The following SPATA6 variants were observed in gnomAD, a reference collection of about 807,000 sequenced individuals.
SPATA6 encodes spermatogenesis associated 6.
SPATA6 carries 56 observed loss-of-function variants against 65.3 expected under a neutral mutation model. The observed-to-expected ratio is 0.86, with a 90% CI of 0.69 to 1.07. The LOEUF is 1.07. Ranked by LOEUF, SPATA6 falls within the 50% of genes least tolerant of loss-of-function variation. The probability of loss-of-function intolerance (pLI) is 0.00; values close to 1 mark genes in which losing one functional copy is unlikely to be tolerated. For synonymous variants in SPATA6, 199 were observed against 213.2 expected (o/e 0.93, Z 0.58); for missense variants, 590 against 594.8 (o/e 0.99, Z 0.08).
At chr1:48,409,934 G>C (rs1652057910) in intron 5 of SPATA6, among the ~76,000 whole-genome samples, 1 of 152,230 alleles carries the variant, frequency 6.6e-6, no homozygotes, top group Non-Finnish European at 1.5e-5. Context: ...AAAGGTCTCT[G>C]ACATGCCCTG....
At chr1:48,357,720 G>A (rs1646697871) in intron 10 of SPATA6, among the ~76,000 whole-genome samples, 1 of 152,082 alleles carries the variant, frequency 6.6e-6, no homozygotes, top group African/African-American at 2.4e-5. Flanking sequence ...TTAAAGATGA[G>A]GTACTGAGTG....
chr1:48,316,807 A>C (rs1645439212), intron 11 of SPATA6, among the ~76,000 whole-genome samples: 1 of 152,240 alleles, frequency 6.6e-6, no homozygotes, highest in African/African-American at 2.4e-5. Context: ...AATATCTAGA[A>C]TCTGCAATGA....
At chr1:48,408,312 G>A (rs2147967721) in intron 5 of SPATA6, among the ~76,000 whole-genome samples, 1 of 152,244 alleles carries the variant, frequency 6.6e-6, no homozygotes, top group Admixed American at 6.5e-5. Flanking sequence ...AATGGCATGG[G>A]CTTCTCTCAG....
the SPATA6 span, among the ~76,000 whole-genome samples, chr1:48,264,680 C>A: frequency 2.0e-5 from 3 of 152,112 alleles, no homozygotes; most frequent in Non-Finnish European, 2.9e-5. Context: ...CATCCATGTC[C>A]CTGCAAAGGA....
At chr1:48,390,289 G>C (rs1649915465) in intron 8 of SPATA6, among the ~76,000 whole-genome samples, 1 of 152,090 alleles carries the variant, frequency 6.6e-6, no homozygotes, top group South Asian at 2.1e-4. Context: ...GAACTGGGGG[G>C]TCATTATTTT....
At chr1:48,335,276 A>C (rs1032142977) in intron 11 of SPATA6, among the ~76,000 whole-genome samples, 3 of 152,068 alleles carry the variant, frequency 2.0e-5, no homozygotes. Flanking sequence ...TAATTAGAAA[A>C]AACTATTCTA....
intron 3 of SPATA6, among the ~76,000 whole-genome samples, chr1:48,434,694 G>T (rs188310831): frequency 1.3e-5 from 2 of 151,880 alleles, no homozygotes; most frequent in African/African-American, 4.8e-5. Context: ...GTGCACTTAC[G>T]GGGGTGTGTG....
chr1:48,436,518 T>A, intron 3 of SPATA6: 1 of 1,611,632 alleles, frequency 6.2e-7, no homozygotes, highest in Non-Finnish European at 8.5e-7. Context: ...TTCACAGGAG[T>A]ATTAAAGCCA....
chr1:48,280,236 A>G, the SPATA6 span, among the ~76,000 whole-genome samples: 1 of 152,240 alleles, frequency 6.6e-6, no homozygotes, highest in Non-Finnish European at 1.5e-5. Context: ...AGCAGGAAAG[A>G]TGCAAAATTG....
At chr1:48,453,220 A>C in intron 1 of SPATA6, 89 bp from the exon 2 acceptor site, 1 of 1,351,124 alleles carries the variant, frequency 7.4e-7, no homozygotes, top group South Asian at 1.6e-5. Context: ...TTACATAAAA[A>C]CATTAGTCTG....
intron 11 of SPATA6, among the ~76,000 whole-genome samples, chr1:48,347,467 TATA>T (rs1557593743): frequency 1.5e-4 from 22 of 147,204 alleles, no homozygotes; most frequent in Non-Finnish European, 4.5e-5. Context: ...GTATATATAA[TATA>T]ATATATATAT....
At chr1:48,438,614 CA>C (rs1432817935) in intron 3 of SPATA6, among the ~76,000 whole-genome samples, 2 of 152,282 alleles carry the variant, frequency 1.3e-5, no homozygotes, top group African/African-American at 4.8e-5. Flanking sequence ...TCGGAACTCT[CA>C]AAGTTACATC....
intron 3 of SPATA6, among the ~76,000 whole-genome samples, chr1:48,433,049 A>G (rs921317236): frequency 1.3e-5 from 2 of 152,218 alleles, no homozygotes; most frequent in Non-Finnish European, 2.9e-5. Flanking sequence ...TAAATACAGC[A>G]TGATTGTGCT....
chr1:48,316,993 C>T (rs1331157877), intron 11 of SPATA6, among the ~76,000 whole-genome samples: 2 of 152,298 alleles, frequency 1.3e-5, no homozygotes, highest in East Asian at 3.9e-4. Flanking sequence ...CATCTCACAC[C>T]AGTTAGAATG....
chr1:48,386,165 G>C (rs561280891), intron 8 of SPATA6, among the ~76,000 whole-genome samples: 2 of 152,230 alleles, frequency 1.3e-5, no homozygotes, highest in South Asian at 4.1e-4. Context: ...TTATATCAGA[G>C]AGTCAGAGTG....
chr1:48,395,176 A>G, intron 8 of SPATA6, 91 bp downstream of exon 8: 1 of 956,824 alleles, frequency 1.0e-6, no homozygotes, highest in Non-Finnish European at 1.5e-6. Context: ...TAATGTAACA[A>G]AGATTCTGTT....
chr1:48,424,808 A>G (rs1246157221), intron 3 of SPATA6, among the ~76,000 whole-genome samples: 1 of 152,040 alleles, frequency 6.6e-6, no homozygotes, highest in East Asian at 1.9e-4. Flanking sequence ...ATGTCTATTC[A>G]ATCTTTTGCC....
At chr1:48,421,434 C>T (rs1653326696) in intron 3 of SPATA6, among the ~76,000 whole-genome samples, 1 of 151,924 alleles carries the variant, frequency 6.6e-6, no homozygotes, top group Non-Finnish European at 1.5e-5. Context: ...TGATCTCTAT[C>T]TTATATGTTC....
the SPATA6 span, among the ~76,000 whole-genome samples, chr1:48,289,467 A>G: frequency 6.6e-6 from 1 of 152,242 alleles, no homozygotes; most frequent in South Asian, 2.1e-4. Context: ...GCAGCTCCTC[A>G]CCAGCAGTGG....
Sources: allele counts gnomAD v4.1 joint callset (sites outside exome capture counted in the v4.1 genomes callset), GRCh38; gene constraint gnomAD v4.1.1; transcripts MANE v1.5; gene names NCBI Gene and HGNC (gene_info 2026-07-23, HGNC 2026-07-21).